The following DOCK4 variants were observed in gnomAD, a reference collection of about 807,000 sequenced individuals.
DOCK4 encodes dedicator of cytokinesis protein 4.
DOCK4 carries 97 observed loss-of-function variants against 268.1 expected under a neutral mutation model. The ratio of observed to expected loss-of-function variants is 0.36; its 90% CI spans 0.31 to 0.43. The LOEUF (loss-of-function observed/expected upper bound fraction) is 0.43. Ranked by LOEUF, DOCK4 falls within the 20% of genes least tolerant of loss-of-function variation. The pLI, the probability that DOCK4 is intolerant of heterozygous loss-of-function variation, is 1.00. For missense variants in DOCK4, 2,145 were observed against 2,455.7 expected (o/e 0.87, Z 2.67); for synonymous variants, 954 against 887.2 (o/e 1.08, Z -1.34).
At chr7:111,737,252 AAAAT>A (rs1795567945) in intron 49 of DOCK4, among the ~76,000 whole-genome samples, 1 of 152,182 alleles carries the variant, frequency 6.6e-6, no homozygotes, top group Non-Finnish European at 1.5e-5. Context: ...TAAAATGTAA[AAAAT>A]AAATAGTAAA....
chr7:111,897,050 T>C (rs1808816232), intron 15 of DOCK4, among the ~76,000 whole-genome samples: 1 of 152,132 alleles, frequency 6.6e-6, no homozygotes. Flanking sequence ...TTGACGACAT[T>C]GAGTCTTCCT....
chr7:111,890,812 C>T (rs921597982), intron 16 of DOCK4, among the ~76,000 whole-genome samples: 14 of 152,200 alleles, frequency 9.2e-5, no homozygotes, highest in African/African-American at 3.1e-4. Flanking sequence ...CTTCTTAGCT[C>T]ACTGCAGGAT....
At chr7:112,110,957 C>G (rs1811593357) in intron 1 of DOCK4, among the ~76,000 whole-genome samples, 1 of 152,218 alleles carries the variant, frequency 6.6e-6, no homozygotes, top group Non-Finnish European at 1.5e-5. Context: ...AAAAGAATCC[C>G]TGCCCATGTT....
intron 1 of DOCK4, among the ~76,000 whole-genome samples, chr7:112,156,394 TG>T (rs779867139): frequency 2.0e-5 from 3 of 152,208 alleles, no homozygotes; most frequent in African/African-American, 4.8e-5. Context: ...AATATCACAT[TG>T]GGGTTACATT....
chr7:111,855,787 AACAG>A (rs1396934189), intron 23 of DOCK4, among the ~76,000 whole-genome samples: 1 of 152,180 alleles, frequency 6.6e-6, no homozygotes, highest in African/African-American at 2.4e-5. Context: ...CTTTACTGTA[AACAG>A]ACAGAGAGCA....
At chr7:112,106,983 T>C (rs532097010) in intron 1 of DOCK4, among the ~76,000 whole-genome samples, 13 of 152,358 alleles carry the variant, frequency 8.5e-5, no homozygotes, top group Admixed American at 7.8e-4. Context: ...AAGTAGTATG[T>C]GTGGCTATAG....
intron 1 of DOCK4, among the ~76,000 whole-genome samples, chr7:112,042,352 T>C (rs988363856): frequency 3.3e-5 from 5 of 152,150 alleles, no homozygotes; most frequent in African/African-American, 1.2e-4. Flanking sequence ...TGCCTAAGGA[T>C]AGGAAGATCA....
chr7:112,154,703 T>C (rs1816449251), intron 1 of DOCK4, among the ~76,000 whole-genome samples: 1 of 152,016 alleles, frequency 6.6e-6, no homozygotes, highest in African/African-American at 2.4e-5. Context: ...TGGCGTGGGG[T>C]TGACAAAGGG....
At chr7:111,997,716 T>C (rs1473842720) in intron 4 of DOCK4, among the ~76,000 whole-genome samples, 1 of 152,246 alleles carries the variant, frequency 6.6e-6, no homozygotes, top group Non-Finnish European at 1.5e-5. Flanking sequence ...ATGAAAATTA[T>C]GCAATGATCA....
intron 5 of DOCK4, among the ~76,000 whole-genome samples, chr7:111,991,777 C>T (rs373657253): frequency 6.6e-6 from 1 of 151,450 alleles, no homozygotes; most frequent in East Asian, 2.0e-4. Flanking sequence ...CTGGCTAACA[C>T]AGTGAAACCC....
At chr7:111,742,331 T>TG (rs763780835) in intron 44 of DOCK4, among the ~76,000 whole-genome samples, 199 bp from the exon 45 acceptor site, 1 of 152,158 alleles carries the variant, frequency 6.6e-6, no homozygotes, top group Non-Finnish European at 1.5e-5. Flanking sequence ...AAAAGACAAA[T>TG]GGGGATTAGA....
chr7:112,059,784 T>C (rs148537952), intron 1 of DOCK4, among the ~76,000 whole-genome samples: 246 of 152,302 alleles, frequency 1.6e-3, no homozygotes, highest in African/African-American at 5.3e-3. Context: ...TAGAGACATT[T>C]TCCAATAGCT....
At chr7:112,111,734 C>T (rs1204516714) in intron 1 of DOCK4, among the ~76,000 whole-genome samples, 2 of 152,170 alleles carry the variant, frequency 1.3e-5, no homozygotes, top group African/African-American at 4.8e-5. Context: ...GGCGAGGTCC[C>T]TGTTCTGGGC....
At chr7:112,080,272 G>C (rs1290393360) in intron 1 of DOCK4, among the ~76,000 whole-genome samples, 2 of 151,924 alleles carry the variant, frequency 1.3e-5, no homozygotes, top group African/African-American at 4.8e-5. Flanking sequence ...CATTTCATGG[G>C]ACCTACTTAT....
chr7:112,034,714 T>A (rs1005239509), intron 1 of DOCK4, among the ~76,000 whole-genome samples: 10 of 152,096 alleles, frequency 6.6e-5, no homozygotes, highest in Admixed American at 4.6e-4. Context: ...AGCCTGGGCA[T>A]CATGGTGAAA....
chr7:111,738,707 G>T (rs963725712), intron 49 of DOCK4, among the ~76,000 whole-genome samples: 1 of 152,218 alleles, frequency 6.6e-6, no homozygotes, highest in Non-Finnish European at 1.5e-5. Context: ...GGAGGCCAAG[G>T]CAGGTGGATC....
chr7:112,024,046 A>T (rs1802561168), intron 1 of DOCK4, among the ~76,000 whole-genome samples: 1 of 152,238 alleles, frequency 6.6e-6, no homozygotes, highest in South Asian at 2.1e-4. Context: ...AATGTTTATC[A>T]TGTATACGTG....
At chr7:111,824,082 G>C (rs910100051) in intron 26 of DOCK4, among the ~76,000 whole-genome samples, 1 of 152,092 alleles carries the variant, frequency 6.6e-6, no homozygotes, top group African/African-American at 2.4e-5. Flanking sequence ...TAAATGGCTA[G>C]ACAGATCCGG....
intron 23 of DOCK4, among the ~76,000 whole-genome samples, chr7:111,862,675 A>C (rs1011434326): frequency 1.4e-4 from 21 of 151,712 alleles, no homozygotes; most frequent in Admixed American, 2.0e-4. Flanking sequence ...GTATTTTGGT[A>C]GAGATGGGGT....
Sources: allele counts gnomAD v4.1 joint callset (sites outside exome capture counted in the v4.1 genomes callset), GRCh38; gene constraint gnomAD v4.1.1; transcripts MANE v1.5; gene names NCBI Gene and HGNC (gene_info 2026-07-23, HGNC 2026-07-21).